DNER: variants seen among roughly 807,000 people sequenced by gnomAD.
The protein encoded by DNER is delta/notch like EGF repeat containing, also known as delta and Notch-like epidermal growth factor-related receptor.
Under a neutral mutation model 78.2 loss-of-function variants are expected in DNER, and 33 were observed. The ratio of observed to expected loss-of-function variants is 0.42; its 90% CI spans 0.32 to 0.56. The LOEUF is 0.56. Ranked by LOEUF, DNER falls within the 20% of genes least tolerant of loss-of-function variation. The pLI is 0.11. For missense variants in DNER, 918 were observed against 975.3 expected, an observed-to-expected ratio of 0.94 and a Z score of 0.78; for synonymous variants, 417 against 384.8, an observed-to-expected ratio of 1.08 and a Z score of -0.98.
chr2:229,702,916 C>CA (rs775005338), intron 1 of DNER, among the ~76,000 whole-genome samples: 87,002 of 103,882 alleles, frequency 0.84, 36,386 homozygotes, highest in East Asian at 0.96. Context: ...GACTCCGCCT[C>CA]AAAAAAAAAA....
intron 1 of DNER, among the ~76,000 whole-genome samples, chr2:229,599,709 C>G (rs1260107735): frequency 6.6e-6 from 1 of 152,132 alleles, no homozygotes; most frequent in Non-Finnish European, 1.5e-5. Context: ...GTACAACATA[C>G]TATAAAGGAC....
chr2:229,395,333 A>T (rs1275836717), intron 10 of DNER, among the ~76,000 whole-genome samples: 6 of 152,214 alleles, frequency 3.9e-5, no homozygotes, highest in Non-Finnish European at 7.3e-5. Context: ...CTACAGAAAC[A>T]TGCCCTACTA....
chr2:229,691,813 A>G (rs1037027405), intron 1 of DNER, among the ~76,000 whole-genome samples: 3 of 152,174 alleles, frequency 2.0e-5, no homozygotes, highest in African/African-American at 4.8e-5. Context: ...GGCCTGACCA[A>G]TCAGCAGAAT....
rs141373828 is a variant in DNER at position 229,437,726 on chromosome 2, T to A, written c.1486+9590A>T. Reference sequence around the variant, plus strand: ...CTGAAGGAACATGTCATCAAAGCTATCTCAAAGTAGAGAACTAAAAACAAC... The same window carrying A: ...CTGAAGGAACATGTCATCAAAGCTAACTCAAAGTAGAGAACTAAAAACAAC... On this transcript the variant is annotated intron_variant, in intron 8 of 12. Transcript: ENST00000341772. Among the ~76,000 whole-genome samples the A allele has an allele frequency of 5.5e-3, 834 of 152,130 alleles. 9 individuals are homozygous for A. Among genetic ancestry groups the A allele is most frequent in the African/African-American group, 0.019 (770 of 41,476 alleles).
At chr2:229,497,737 C>T (rs1409455106) in intron 6 of DNER, among the ~76,000 whole-genome samples, 1 of 151,890 alleles carries the variant, frequency 6.6e-6, no homozygotes, top group Non-Finnish European at 1.5e-5. Flanking sequence ...TTTCTAGAAA[C>T]ATACAATCTA....
intron 1 of DNER, among the ~76,000 whole-genome samples, chr2:229,682,932 G>T (rs1699411278): frequency 6.6e-6 from 1 of 152,138 alleles, no homozygotes; most frequent in Non-Finnish European, 1.5e-5. Context: ...ATCAGCAAGG[G>T]TTATTGCTTT....
chr2:229,585,447 G>A (rs1006159098), intron 4 of DNER, among the ~76,000 whole-genome samples: 2 of 152,068 alleles, frequency 1.3e-5, no homozygotes, highest in African/African-American at 4.8e-5. Context: ...GATCACCTGA[G>A]GTCAGGATTT....
At chr2:229,700,839 T>G (rs1699734654) in intron 1 of DNER, among the ~76,000 whole-genome samples, 1 of 148,116 alleles carries the variant, frequency 6.8e-6, no homozygotes, top group Non-Finnish European at 1.5e-5. Context: ...GAGAATCGCC[T>G]GAACCCAGGA....
chr2:229,437,044 G>C (rs371940539), intron 8 of DNER, among the ~76,000 whole-genome samples: 1 of 152,200 alleles, frequency 6.6e-6, no homozygotes, highest in Non-Finnish European at 1.5e-5. Context: ...TGCTATCTTT[G>C]AGAGACCCAT....
chr2:229,673,358 A>C (rs1699243687), intron 1 of DNER, among the ~76,000 whole-genome samples: 1 of 152,180 alleles, frequency 6.6e-6, no homozygotes, highest in Admixed American at 6.5e-5. Flanking sequence ...GCAGTTCAGA[A>C]GTTCTCCCTT....
At chr2:229,451,473 A>G (rs1315601900) in intron 7 of DNER, among the ~76,000 whole-genome samples, 1 of 152,178 alleles carries the variant, frequency 6.6e-6, no homozygotes, top group Non-Finnish European at 1.5e-5. Flanking sequence ...TAAATAAACA[A>G]ATAAATAAAT....
chr2:229,681,268 G>A (rs778635289), intron 1 of DNER, among the ~76,000 whole-genome samples: 1 of 152,150 alleles, frequency 6.6e-6, no homozygotes, highest in Non-Finnish European at 1.5e-5. Context: ...GCTAGAAAAG[G>A]ACATGGAATG....
chr2:229,536,093 C>T (rs115539044), intron 5 of DNER, among the ~76,000 whole-genome samples: 1,828 of 152,224 alleles, frequency 0.012, 41 homozygotes, highest in Middle Eastern at 0.054. Flanking sequence ...TGCAGAGGAC[C>T]GAACACCATG....
chr2:229,384,416 A>C (rs1692815959), intron 11 of DNER, among the ~76,000 whole-genome samples: 1 of 152,210 alleles, frequency 6.6e-6, no homozygotes, highest in African/African-American at 2.4e-5. Context: ...AGATCAGAGC[A>C]GAACTGAAGG....
chr2:229,449,180 T>G (rs565055896), intron 7 of DNER, among the ~76,000 whole-genome samples: 1 of 152,344 alleles, frequency 6.6e-6, no homozygotes, highest in South Asian at 2.1e-4. Context: ...CCAAAAAGTT[T>G]CTTGGCAGCC....
intron 11 of DNER, among the ~76,000 whole-genome samples, chr2:229,369,402 G>C (rs1247520988): frequency 7.1e-6 from 1 of 141,634 alleles, no homozygotes; most frequent in African/African-American, 2.6e-5. Flanking sequence ...TTAAAAAAAA[G>C]TTTTAACTTT....
chr2:229,528,444 G>A (rs1291818026), intron 5 of DNER, among the ~76,000 whole-genome samples: 2 of 152,126 alleles, frequency 1.3e-5, no homozygotes, highest in African/African-American at 4.8e-5. Flanking sequence ...TGCAGCCTAA[G>A]TCCTTCTACC....
At chr2:229,597,009 G>A (rs1697729238) in intron 1 of DNER, among the ~76,000 whole-genome samples, 1 of 144,986 alleles carries the variant, frequency 6.9e-6, no homozygotes, top group Admixed American at 6.9e-5. Flanking sequence ...ACATATACAT[G>A]CACACACACA....
chr2:229,698,401 G>A (rs1198795755), intron 1 of DNER, among the ~76,000 whole-genome samples: 1 of 152,056 alleles, frequency 6.6e-6, no homozygotes, highest in Non-Finnish European at 1.5e-5. Context: ...CATACTACCG[G>A]GAAAGATCTA....
Sources: gnomAD v4.1 joint callset for allele counts (sites outside exome capture counted in the v4.1 genomes callset) on GRCh38, gnomAD v4.1.1 for gene constraint, MANE v1.5 for transcripts, NCBI Gene and HGNC (gene_info 2026-07-23, HGNC 2026-07-21) for gene names.